The following EXOC4 variants were observed in gnomAD, a reference collection of about 807,000 sequenced individuals.
The protein encoded by EXOC4 is SEC8-like 1.
A neutral mutation model predicts 107.2 loss-of-function variants in EXOC4; 71 were observed. That is an observed-to-expected ratio of 0.66 (90% CI 0.55 to 0.81). The LOEUF (loss-of-function observed/expected upper bound fraction) is 0.81. Ranked by LOEUF, EXOC4 falls within the 30% of genes least tolerant of loss-of-function variation. The probability of loss-of-function intolerance (pLI) is 0.00; values close to 1 mark genes in which losing one functional copy is unlikely to be tolerated. For missense variants in EXOC4, 1,108 were observed against 1,189.6 expected (o/e 0.93, Z 1.01); for synonymous variants, 456 against 441.2 (o/e 1.03, Z -0.42).
chr7:133,910,714 G>C (rs1397834033), intron 12 of EXOC4, among the ~76,000 whole-genome samples: 1 of 152,200 alleles, frequency 6.6e-6, no homozygotes, highest in Non-Finnish European at 1.5e-5. Flanking sequence ...TGCAGGTCCA[G>C]TCATTCACAG....
At chr7:133,669,115 C>G (rs1793884171) in intron 10 of EXOC4, among the ~76,000 whole-genome samples, 1 of 150,292 alleles carries the variant, frequency 6.7e-6, no homozygotes, top group Non-Finnish European at 1.5e-5. Flanking sequence ...AAGGCATTTA[C>G]CTTTCTCTTC....
At position 133,857,819 on chromosome 7, in the gene EXOC4, G is replaced by A. The variant is rs575924518; in HGVS notation, c.1735-37780G>A. 2.0e-5 allele frequency among the ~76,000 whole-genome samples: 3 copies of A among 152,208 alleles called. No individual in the cohort carries two copies. The East Asian group carries it at 5.8e-4, about 30-fold the overall frequency. On this transcript the variant is annotated intron_variant, in intron 11 of 17. Coordinates refer to ENST00000253861, the MANE Select transcript of EXOC4 (RefSeq NM_021807.4). ...AGAGCCCCAAGGGGTGGGTGTGGAG[G>A]CGCTCTGCAGCTCTCTCATTTCCAC... is the stretch of plus-strand genomic sequence containing the variant.
At chr7:133,331,422 T>A (rs1795385017) in intron 5 of EXOC4, among the ~76,000 whole-genome samples, 2 of 151,714 alleles carry the variant, frequency 1.3e-5, no homozygotes. Flanking sequence ...AAAAACTACT[T>A]ATATTCTGGT....
intron 14 of EXOC4, among the ~76,000 whole-genome samples, chr7:133,987,788 C>A (rs1018985446): frequency 1.3e-5 from 2 of 152,114 alleles, no homozygotes; most frequent in African/African-American, 4.8e-5. Flanking sequence ...CCAGTCTAAG[C>A]TAATATTGTA....
intron 14 of EXOC4, among the ~76,000 whole-genome samples, chr7:133,941,581 GT>G (rs1563065434): frequency 6.6e-6 from 1 of 151,792 alleles, no homozygotes. Context: ...CACACCAAAG[GT>G]ACCACTCTTG....
intron 5 of EXOC4, among the ~76,000 whole-genome samples, chr7:133,327,771 G>T (rs1320139045): frequency 6.6e-6 from 1 of 152,144 alleles, no homozygotes; most frequent in Non-Finnish European, 1.5e-5. Flanking sequence ...TTAATCCTGA[G>T]TTCTAATTTG....
intron 5 of EXOC4, among the ~76,000 whole-genome samples, chr7:133,330,110 A>T (rs1024692415): frequency 2.0e-5 from 3 of 151,972 alleles, no homozygotes; most frequent in Admixed American, 6.6e-5. Flanking sequence ...TTTTTCAGAG[A>T]TGCCCTGCCC....
At chr7:134,073,121 G>A in the EXOC4 span, among the ~76,000 whole-genome samples, 11 of 136,634 alleles carry the variant, frequency 8.1e-5, no homozygotes, top group East Asian at 2.0e-3. Flanking sequence ...CAGGAGAATC[G>A]CTTGAACCTG....
chr7:133,305,877 G>A lies in EXOC4; in HGVS notation c.472G>A (p.Val158Met). 4 of 1,588,150 alleles carry A rather than the reference G, an allele frequency of 2.5e-6. No individual in the cohort carries two copies. The highest frequency in any genetic ancestry group is 3.4e-6 in the Non-Finnish European group (4 of 1,168,906). Residue 158 changes from valine to methionine, a missense_variant and splice_region_variant, in exon 4 of 18, where the codon GTG becomes ATG. Val to Met is a conservative substitution (Grantham distance 21). Coordinates refer to ENST00000253861, the MANE Select transcript of EXOC4 (RefSeq NM_021807.4). ...GTCTTTCATTTTTTTCTCTTTTCAGGTGTCAGCAGTTGAGTCTTTGGAGGG... is the reference window on the plus strand; with the variant it reads ...GTCTTTCATTTTTTTCTCTTTTCAGATGTCAGCAGTTGAGTCTTTGGAGGG... Reference protein sequence around the residue: ...KHYLSATDMLVSAVESLEGPL... With the variant: ...KHYLSATDMLMSAVESLEGPL...
chr7:133,675,465 GTTCCT>G (rs1215090907), intron 10 of EXOC4, among the ~76,000 whole-genome samples: 2 of 152,130 alleles, frequency 1.3e-5, no homozygotes, highest in African/African-American at 4.8e-5. Context: ...GTAGATATTT[GTTCCT>G]TTAAATAAAT....
the EXOC4 span, among the ~76,000 whole-genome samples, chr7:134,095,277 TC>T: frequency 6.6e-6 from 1 of 151,918 alleles, no homozygotes; most frequent in Non-Finnish European, 1.5e-5. Flanking sequence ...ATGAAAGATC[TC>T]TACAAGGAGA....
At chr7:134,039,272 T>C (rs1795460738) in intron 17 of EXOC4, among the ~76,000 whole-genome samples, 1 of 152,100 alleles carries the variant, frequency 6.6e-6, no homozygotes, top group Non-Finnish European at 1.5e-5. Flanking sequence ...ATGATAAAGC[T>C]TCAGGGAGTG....
chr7:133,392,988 G>A (rs1262739592), intron 7 of EXOC4, among the ~76,000 whole-genome samples: 2 of 152,096 alleles, frequency 1.3e-5, no homozygotes, highest in Non-Finnish European at 2.9e-5. Context: ...TAGTAATGCT[G>A]TATTCCAGTT....
At chr7:133,936,284 G>T (rs151318045) in intron 13 of EXOC4, among the ~76,000 whole-genome samples, 2 of 152,302 alleles carry the variant, frequency 1.3e-5, no homozygotes, top group African/African-American at 4.8e-5. Context: ...GAGGCTAGTC[G>T]TGACTCATTA....
At chr7:133,668,837 T>C (rs1793874315) in intron 10 of EXOC4, among the ~76,000 whole-genome samples, 1 of 151,852 alleles carries the variant, frequency 6.6e-6, no homozygotes, top group African/African-American at 2.4e-5. Flanking sequence ...GAGAGCCAGG[T>C]GGTGAGGGGC....
chr7:134,021,877 T>G (rs1795038919), intron 17 of EXOC4, among the ~76,000 whole-genome samples: 1 of 145,000 alleles, frequency 6.9e-6, no homozygotes, highest in Admixed American at 7.1e-5. Context: ...TCAGGCAGTC[T>G]GTTTCGCAGA....
chr7:133,862,667 A>T (rs955443789), intron 11 of EXOC4, among the ~76,000 whole-genome samples: 1 of 152,204 alleles, frequency 6.6e-6, no homozygotes, highest in Non-Finnish European at 1.5e-5. Context: ...GGTTTTTAGG[A>T]TGTCTACAAG....
At chr7:133,412,353 G>A (rs1465708300) in intron 7 of EXOC4, among the ~76,000 whole-genome samples, 1 of 122,494 alleles carries the variant, frequency 8.2e-6, no homozygotes, top group Non-Finnish European at 1.6e-5. Flanking sequence ...GGTATGTTGT[G>A]GTGGGGCATT....
chr7:133,362,679 A>G (rs1796160996), intron 6 of EXOC4, among the ~76,000 whole-genome samples: 2 of 152,230 alleles, frequency 1.3e-5, no homozygotes, highest in Non-Finnish European at 2.9e-5. Flanking sequence ...GAGGAAGACT[A>G]AAGGCTCAGG....
Sources: allele counts gnomAD v4.1 joint callset (sites outside exome capture counted in the v4.1 genomes callset), GRCh38; gene constraint gnomAD v4.1.1; transcripts MANE v1.5; gene names NCBI Gene and HGNC (gene_info 2026-07-23, HGNC 2026-07-21).